The following MTA3 variants were observed in gnomAD, a reference collection of about 807,000 sequenced individuals.
MTA3 encodes the protein metastasis-associated protein MTA3.
A neutral mutation model predicts 83.5 loss-of-function variants in MTA3; 34 were observed. The ratio of observed to expected loss-of-function variants is 0.41; its 90% CI spans 0.31 to 0.54. The LOEUF is 0.54. Among genes scored for constraint, MTA3 ranks in the 20% least tolerant of loss-of-function variants. The pLI, the probability that MTA3 is intolerant of heterozygous loss-of-function variation, is 0.33. For synonymous variants in MTA3, 303 were observed against 252.7 expected (o/e 1.20, Z -1.89); for missense variants, 761 against 726.4 (o/e 1.05, Z -0.55).
chr2:42,502,298 C>G (rs988663000), intron 2 of MTA3, among the ~76,000 whole-genome samples: 2 of 152,140 alleles, frequency 1.3e-5, no homozygotes, highest in Admixed American at 1.3e-4. Context: ...CCAGGACCCT[C>G]AGGAAGAATT....
At chr2:42,691,149 T>C (rs977136144) in intron 9 of MTA3, among the ~76,000 whole-genome samples, 4 of 151,196 alleles carry the variant, frequency 2.6e-5, no homozygotes, top group African/African-American at 9.7e-5. Context: ...AGTGTTGAGA[T>C]TACAGGCGCA....
At chr2:42,523,894 G>A (rs1675544264) in intron 2 of MTA3, among the ~76,000 whole-genome samples, 1 of 152,040 alleles carries the variant, frequency 6.6e-6, no homozygotes, top group Admixed American at 6.6e-5. Flanking sequence ...TCCAACCTGG[G>A]TGAAAGAGCC....
intron 4 of MTA3, among the ~76,000 whole-genome samples, chr2:42,633,750 C>T (rs1686914676): frequency 1.3e-5 from 2 of 151,710 alleles, no homozygotes; most frequent in East Asian, 1.9e-4. Flanking sequence ...AAAAGTTAGC[C>T]GGCCGTGGTG....
intron 3 of MTA3, among the ~76,000 whole-genome samples, chr2:42,595,106 A>ATTTTTTTTT (rs67598721): frequency 3.9e-5 from 3 of 77,032 alleles, no homozygotes; most frequent in African/African-American, 5.4e-5. Flanking sequence ...CAGGAGCTTC[A>ATTTTTTTTT]TTTTTTTTTT....
chr2:42,636,319 C>T lies in MTA3; in HGVS notation c.318-3854C>T, dbSNP rs567361276. ...CTTTGGGAGGCCAAGGTGGGAGGAT[C>T]GCTTGAGCCAGGGAGTTTGAGAGCA... On this transcript the variant is annotated intron_variant, in intron 4 of 16. Transcript: ENST00000405094. 2.2e-4 allele frequency among the ~76,000 whole-genome samples: 33 copies of T among 152,094 alleles called. No homozygotes were observed. The South Asian group carries it at 6.7e-3, about 31-fold the overall frequency.
chr2:42,535,113 G>C (rs940039967), intron 2 of MTA3, among the ~76,000 whole-genome samples: 2 of 152,012 alleles, frequency 1.3e-5, no homozygotes, highest in Non-Finnish European at 1.5e-5. Context: ...CAGGCTGGGC[G>C]CGGTGGCTCA....
At chr2:42,676,046 C>T (rs1373793559) in intron 8 of MTA3, among the ~76,000 whole-genome samples, 1 of 151,674 alleles carries the variant, frequency 6.6e-6, no homozygotes, top group Admixed American at 6.6e-5. Context: ...TTACTCTCCT[C>T]TCCTTTGGTC....
At position 42,756,719 on chromosome 2, in the gene MTA3, C is replaced by CA; in HGVS notation, c.*3321dup. The CA allele has an allele frequency of 1.0e-6, 1 of 985,492 alleles. No individual in the cohort carries two copies. Among genetic ancestry groups the CA allele is most frequent in the Non-Finnish European group, 1.2e-6 (1 of 829,988 alleles). 61.0% of individuals were successfully genotyped at this position (985,492 alleles called of 1,614,324 possible). ...AGCAGCCCCTCCTCACCATTCCCCCCAGGAAGGCCATGTCCCAGTTTTCTG... is the reference window on the plus strand; with the variant it reads ...AGCAGCCCCTCCTCACCATTCCCCCCAAGGAAGGCCATGTCCCAGTTTTCTG... On this transcript the variant is annotated 3_prime_UTR_variant, in exon 17 of 17. Coordinates refer to ENST00000405094, the MANE Select transcript of MTA3 (RefSeq NM_001330442.2).
At chr2:42,547,751 G>C (rs978519538) in intron 2 of MTA3, among the ~76,000 whole-genome samples, 2 of 152,214 alleles carry the variant, frequency 1.3e-5, no homozygotes, top group African/African-American at 4.8e-5. Context: ...ATTAAGCTAG[G>C]TTGCAGTTCG....
rs372444039 is a variant in MTA3 at position 42,528,254 on chromosome 2, T to C, written c.-141+33000T>C. Among the ~76,000 whole-genome samples, 3 of 149,166 alleles carry C rather than the reference T, an allele frequency of 2.0e-5. No homozygotes were observed. In the South Asian group the frequency reaches 6.3e-4, roughly 32 times the overall value. On this transcript the variant is annotated intron_variant, in intron 2 of 17. Transcript: ENST00000405592. Reference sequence around the variant, plus strand: ...TTTTTTTTTGGAAATAGAGTCTTGCTCTGTTGCCCAGGGTGGAGTGCGGTG... The same window carrying C: ...TTTTTTTTTGGAAATAGAGTCTTGCCCTGTTGCCCAGGGTGGAGTGCGGTG...
At chr2:42,662,439 A>T (rs1409239613) in intron 8 of MTA3, among the ~76,000 whole-genome samples, 1 of 151,634 alleles carries the variant, frequency 6.6e-6, no homozygotes, top group Non-Finnish European at 1.5e-5. Flanking sequence ...GAATAGAGTG[A>T]GGTAGGGATC....
intron 2 of MTA3, among the ~76,000 whole-genome samples, chr2:42,527,971 G>A (rs1324320676): frequency 6.6e-6 from 1 of 152,016 alleles, no homozygotes; most frequent in South Asian, 2.1e-4. Context: ...ACCCAGACTG[G>A]ACCAGTACAG....
chr2:42,752,314 A>C (rs887719753), intron 16 of MTA3: 1 of 470,668 alleles, frequency 2.1e-6, no homozygotes, highest in Non-Finnish European at 4.4e-6. Flanking sequence ...GAAGGTGAGC[A>C]TTGCTGGGTC....
rs759885528 is a variant in MTA3, at chr2:42,707,894, C to G, written c.1151-9C>G. ...TTTTTCGTTTTTTCTTATTTTTCTT[C>G]TGCTTTAGCTACACAGTCTCACCAG... is the stretch of plus-strand genomic sequence containing the variant. On this transcript the variant is annotated splice_polypyrimidine_tract_variant and intron_variant, in intron 12 of 16. Coordinates refer to ENST00000405094, the MANE Select transcript of MTA3 (RefSeq NM_001330442.2). 6.6e-7 allele frequency: 1 copy of G among 1,504,322 alleles called. No homozygotes were observed. Among genetic ancestry groups the G allele is most frequent in the East Asian group, 2.4e-5 (1 of 41,788 alleles). 93.2% of individuals were successfully genotyped at this position (1,504,322 alleles called of 1,614,324 possible). A position where few individuals can be genotyped will look rare whatever the true frequency, so the allele number is the denominator to read the frequency against.
chr2:42,722,134 G>C (rs1389163616), intron 15 of MTA3, among the ~76,000 whole-genome samples: 1 of 152,154 alleles, frequency 6.6e-6, no homozygotes, highest in East Asian at 1.9e-4. Flanking sequence ...CTAAGCTTTA[G>C]AAAAAGGCTG....
chr2:42,611,713 G>T (rs939093680), intron 4 of MTA3, among the ~76,000 whole-genome samples: 1 of 152,078 alleles, frequency 6.6e-6, no homozygotes, highest in Non-Finnish European at 1.5e-5. Flanking sequence ...CTAATTGGGG[G>T]GCTGAGGTGG....
At chr2:42,545,621 T>G (rs1452888940) in intron 2 of MTA3, among the ~76,000 whole-genome samples, 3 of 152,296 alleles carry the variant, frequency 2.0e-5, no homozygotes, top group East Asian at 3.9e-4. Flanking sequence ...GTATAAGGCC[T>G]ACCTCATTAG....
In MTA3 at chr2:42,678,279, G is replaced by A. The variant is rs17029840; in HGVS notation, c.703-4122G>A. ...GTGGCCTTTGTTATGATTATAACTC[G>A]GAAATTGTTCATGAAATCCCTACTT... On this transcript the variant is annotated intron_variant, in intron 8 of 16. Transcript: ENST00000405094. Among the ~76,000 whole-genome samples, 999 of 152,170 alleles carry A rather than the reference G, an allele frequency of 6.6e-3. 10 individuals carry two copies. Among genetic ancestry groups the A allele is most frequent in the African/African-American group, 0.022 (907 of 41,530 alleles).
At chr2:42,717,283 C>T (rs1219630529) in intron 14 of MTA3, among the ~76,000 whole-genome samples, 4 of 151,760 alleles carry the variant, frequency 2.6e-5, no homozygotes, top group African/African-American at 9.7e-5. Flanking sequence ...TGTGTGTATG[C>T]CCAGAAATGT....
Sources: gnomAD v4.1 joint callset for allele counts (sites outside exome capture counted in the v4.1 genomes callset) on GRCh38, gnomAD v4.1.1 for gene constraint, MANE v1.5 for transcripts, NCBI Gene and HGNC (gene_info 2026-07-23, HGNC 2026-07-21) for gene names.